The following CADM2 variants were observed in gnomAD, a reference collection of about 807,000 sequenced individuals.
CADM2 encodes the protein cell adhesion molecule 2, also known as immunoglobulin superfamily member 4D.
In CADM2, 12 loss-of-function variants were observed where a neutral mutation model predicts 49.8. That is an observed-to-expected ratio of 0.24 (90% CI 0.15 to 0.39). The LOEUF is 0.39. CADM2 is among the 10% of genes least tolerant of loss of function. The pLI is 1.00. For missense variants in CADM2, 378 were observed against 492.3 expected (o/e 0.77, Z 2.20); for synonymous variants, 214 against 175.4 (o/e 1.22, Z -1.74).
At chr3:85,145,896 G>T (rs771701621) in intron 1 of CADM2, among the ~76,000 whole-genome samples, 1 of 152,090 alleles carries the variant, frequency 6.6e-6, no homozygotes, top group African/African-American at 2.4e-5. Context: ...CACGGCAATG[G>T]TAGAATCTTT....
At chr3:86,010,048 C>A (rs191251894) in intron 8 of CADM2, among the ~76,000 whole-genome samples, 1 of 151,780 alleles carries the variant, frequency 6.6e-6, no homozygotes, top group African/African-American at 2.4e-5. Flanking sequence ...TAACTCTGCT[C>A]TATTTAATCT....
chr3:85,768,582 T>C (rs943782996), intron 2 of CADM2, among the ~76,000 whole-genome samples: 1 of 149,082 alleles, frequency 6.7e-6, no homozygotes, highest in Non-Finnish European at 1.5e-5. Flanking sequence ...CAATCACTGT[T>C]AAAACTCTAA....
At chr3:85,675,382 TG>T (rs2107644077) in intron 1 of CADM2, among the ~76,000 whole-genome samples, 1 of 152,322 alleles carries the variant, frequency 6.6e-6, no homozygotes, top group Admixed American at 6.5e-5. Context: ...TACTTTTAAA[TG>T]TAGCTATTCT....
At chr3:85,940,997 T>G (rs1412222274) in intron 7 of CADM2, among the ~76,000 whole-genome samples, 1 of 152,100 alleles carries the variant, frequency 6.6e-6, no homozygotes, top group Non-Finnish European at 1.5e-5. Flanking sequence ...TTGTAATCAA[T>G]GTACCTACAC....
intron 1 of CADM2, among the ~76,000 whole-genome samples, chr3:85,377,239 A>G (rs956261648): frequency 2.0e-5 from 3 of 152,088 alleles, no homozygotes; most frequent in African/African-American, 7.2e-5. Flanking sequence ...TGTGACAAAC[A>G]AAAGTATGAT....
chr3:85,371,965 T>C (rs1174817159), intron 1 of CADM2, among the ~76,000 whole-genome samples: 3 of 151,524 alleles, frequency 2.0e-5, no homozygotes, highest in Non-Finnish European at 2.9e-5. Flanking sequence ...ACATATTTGT[T>C]CAACTAAGTT....
chr3:85,903,220 T>C (rs957250738), intron 5 of CADM2, among the ~76,000 whole-genome samples: 1 of 152,124 alleles, frequency 6.6e-6, no homozygotes, highest in Non-Finnish European at 1.5e-5. Flanking sequence ...TTGTTCTGAT[T>C]ATTATTTTTT....
chr3:85,559,655 A>AAC (rs144677158), intron 1 of CADM2, among the ~76,000 whole-genome samples: 6,045 of 111,004 alleles, frequency 0.054, 234 homozygotes, highest in South Asian at 0.16. Flanking sequence ...ATTTAAAAGA[A>AAC]ACACACACAC....
chr3:85,222,095 T>C (rs1010305022), intron 1 of CADM2, among the ~76,000 whole-genome samples: 4 of 152,080 alleles, frequency 2.6e-5, no homozygotes, highest in Admixed American at 6.6e-5. Flanking sequence ...TTTGTCGTCG[T>C]TTTTGTATTT....
chr3:85,936,951 T>C (rs1159175630), intron 7 of CADM2, among the ~76,000 whole-genome samples: 1 of 151,698 alleles, frequency 6.6e-6, no homozygotes, highest in African/African-American at 2.4e-5. Flanking sequence ...AGTACATTTG[T>C]ATACATTTGG....
At chr3:85,491,942 T>C (rs1185994808) in intron 1 of CADM2, among the ~76,000 whole-genome samples, 5 of 111,654 alleles carry the variant, frequency 4.5e-5, no homozygotes, top group Non-Finnish European at 8.0e-5. Flanking sequence ...AGAGTGAGAC[T>C]GTCTCAAAAA....
chr3:85,369,278 G>C (rs1406256209), intron 1 of CADM2, among the ~76,000 whole-genome samples: 1 of 152,166 alleles, frequency 6.6e-6, no homozygotes, highest in Non-Finnish European at 1.5e-5. Context: ...ACACAATCAT[G>C]CATCACATAA....
intron 6 of CADM2, among the ~76,000 whole-genome samples, chr3:85,916,024 T>C (rs1398619322): frequency 6.6e-6 from 1 of 152,180 alleles, no homozygotes; most frequent in Non-Finnish European, 1.5e-5. Flanking sequence ...GGAGGACTTA[T>C]ATTTCTAGGG....
rs1276996628 is a variant in CADM2 at position 85,385,797 on chromosome 3, TCTC to T, written c.62-340724_62-340722del. On this transcript the variant is annotated intron_variant, in intron 1 of 9. Coordinates refer to ENST00000383699, the MANE Select transcript of CADM2 (RefSeq NM_001167675.2). ...TGTAAAACAGCAAAGTGTTTCTCTC[TCTC>T]TTTTTTTTTTTTTTTGGAAACTAGA... 5.0e-5 allele frequency: 3 copies of T among 60,024 alleles called. No individual in the cohort carries two copies. The Admixed American group carries it at 6.6e-4, about 13-fold the overall frequency. 3.7% of individuals were successfully genotyped at this position (60,024 alleles called of 1,614,324 possible).
At chr3:85,362,428 A>C (rs1238999098) in intron 1 of CADM2, among the ~76,000 whole-genome samples, 1 of 152,208 alleles carries the variant, frequency 6.6e-6, no homozygotes, top group Non-Finnish European at 1.5e-5. Context: ...TCCCCATTTG[A>C]AGCGTATAAA....
chr3:85,037,973 TA>T (rs78398267), intron 1 of CADM2, among the ~76,000 whole-genome samples: 317 of 143,136 alleles, frequency 2.2e-3, no homozygotes, highest in Admixed American at 2.8e-3. Context: ...GCCGGAAAAC[TA>T]AAAAAAAAAA....
chr3:85,347,599 A>G (rs1023334037), intron 1 of CADM2, among the ~76,000 whole-genome samples: 32 of 124,354 alleles, frequency 2.6e-4, no homozygotes, highest in African/African-American at 9.0e-4. Context: ...ATATATATAC[A>G]TATATATAAA....
At chr3:85,733,337 T>C (rs2068011575) in intron 2 of CADM2, among the ~76,000 whole-genome samples, 1 of 152,182 alleles carries the variant, frequency 6.6e-6, no homozygotes, top group Admixed American at 6.5e-5. Context: ...TGGGTCAAAA[T>C]ATAAGTAATT....
In CADM2 at chr3:85,385,022, G is replaced by A. The variant is rs528401970; in HGVS notation, c.62-341500G>A. Reference sequence around the variant, plus strand: ...GTGATCTTGGCTCACTGCCACTGCCGCCTCCAAGGCTGAAGTGATTCTCCT... The same window carrying A: ...GTGATCTTGGCTCACTGCCACTGCCACCTCCAAGGCTGAAGTGATTCTCCT... On this transcript the variant is annotated intron_variant, in intron 1 of 9. Transcript: ENST00000383699. Among the ~76,000 whole-genome samples the A allele has an allele frequency of 3.7e-3, 570 of 152,034 alleles. 5 individuals carry two copies. The highest frequency in any genetic ancestry group is 8.7e-3 in the Admixed American group (133 of 15,256).
Sources: gnomAD v4.1 joint callset for allele counts (sites outside exome capture counted in the v4.1 genomes callset) on GRCh38, gnomAD v4.1.1 for gene constraint, MANE v1.5 for transcripts, NCBI Gene and HGNC (gene_info 2026-07-23, HGNC 2026-07-21) for gene names.